Variants in CPNE5 observed in about 807,000 individuals in gnomAD.
The protein encoded by CPNE5 is copine 5, also known as copine-5.
A neutral mutation model predicts 81.1 loss-of-function variants in CPNE5; 42 were observed. The observed-to-expected ratio is 0.52, with a 90% CI of 0.40 to 0.67. The LOEUF (loss-of-function observed/expected upper bound fraction) is 0.67. CPNE5 is among the 30% of genes least tolerant of loss of function. The pLI is 0.00. For synonymous variants in CPNE5, 313 were observed against 321.5 expected (o/e 0.97, Z 0.28); for missense variants, 612 against 815.5 (o/e 0.75, Z 3.04).
At chr6:36,823,376 C>T (rs1225131820) in intron 1 of CPNE5, among the ~76,000 whole-genome samples, 2 of 152,188 alleles carry the variant, frequency 1.3e-5, no homozygotes, top group East Asian at 1.9e-4. Context: ...TGCCCTGTGT[C>T]GCACAGCCAC....
intron 1 of CPNE5, among the ~76,000 whole-genome samples, chr6:36,825,907 C>G (rs796849302): frequency 4.6e-5 from 7 of 152,172 alleles, no homozygotes; most frequent in Admixed American, 1.3e-4. Context: ...TCTTTGAATT[C>G]TATAATGAAA....
intron 8 of CPNE5, among the ~76,000 whole-genome samples, chr6:36,781,548 G>T (rs1271112383): frequency 6.6e-6 from 1 of 152,194 alleles, no homozygotes; most frequent in African/African-American, 2.4e-5. Flanking sequence ...TTCTAAAGCA[G>T]CAGGGCAGGC....
chr6:36,768,288 G>A (rs1267420199), intron 10 of CPNE5, among the ~76,000 whole-genome samples: 1 of 129,036 alleles, frequency 7.7e-6, no homozygotes, highest in Non-Finnish European at 1.6e-5. Context: ...AAGCTGGAGT[G>A]CAGTGGTACG....
At chr6:36,778,328 C>A (rs982088566) in intron 9 of CPNE5, among the ~76,000 whole-genome samples, 2 of 152,160 alleles carry the variant, frequency 1.3e-5, no homozygotes, top group Non-Finnish European at 2.9e-5. Flanking sequence ...ATAGGGGCTT[C>A]AAAGTCTGGA....
chr6:36,753,209 G>C, intron 13 of CPNE5, 114 bp from the exon 14 acceptor site: 5 of 786,360 alleles, frequency 6.4e-6, no homozygotes, highest in Non-Finnish European at 8.9e-6. Context: ...TTGCATGCAT[G>C]ACTGCATGCA....
intron 3 of CPNE5, among the ~76,000 whole-genome samples, chr6:36,801,938 C>T (rs908737151): frequency 3.9e-5 from 6 of 152,044 alleles, no homozygotes; most frequent in Non-Finnish European, 7.4e-5. Flanking sequence ...GGTTATGATG[C>T]GGCTGGGCGC....
intron 9 of CPNE5, among the ~76,000 whole-genome samples, chr6:36,777,500 C>A (rs1767616530): frequency 6.6e-6 from 1 of 152,160 alleles, no homozygotes; most frequent in South Asian, 2.1e-4. Context: ...CCTGACTCTG[C>A]CTCCCTGGAG....
intron 8 of CPNE5, among the ~76,000 whole-genome samples, chr6:36,787,515 G>A (rs1029808604): frequency 1.3e-5 from 2 of 152,032 alleles, no homozygotes; most frequent in Admixed American, 6.6e-5. Flanking sequence ...ATTTTCCTTC[G>A]GGATAGTCAA....
chr6:36,766,548 C>T lies in CPNE5; in HGVS notation c.738-1172G>A, dbSNP rs1192139781. Among the ~76,000 whole-genome samples the T allele has an allele frequency of 1.3e-5, 2 of 152,156 alleles. No individual in the cohort carries two copies. The highest frequency in any genetic ancestry group is 2.9e-5 in the Non-Finnish European group (2 of 68,036). ...TTGTGAAAAACAAAAAACCATGTCT[C>T]TCTGAGGTGAATTATTGTGGAAAGG... On this transcript the variant is annotated intron_variant, in intron 10 of 20. Coordinates refer to ENST00000244751, the MANE Select transcript of CPNE5 (RefSeq NM_020939.2). This position sits in a 1 kb window ranked among gnomAD's most constrained non-coding sequence, Gnocchi z 4.2.
intron 3 of CPNE5, 110 bp downstream of exon 3, chr6:36,822,004 G>T: frequency 2.0e-6 from 2 of 981,800 alleles, no homozygotes; most frequent in Admixed American, 4.9e-5. Flanking sequence ...CTTCAGCGGG[G>T]CTTGGATGCT....
chr6:36,762,379 C>T (rs1766135299), intron 12 of CPNE5, among the ~76,000 whole-genome samples: 1 of 152,074 alleles, frequency 6.6e-6, no homozygotes, highest in Non-Finnish European at 1.5e-5. Context: ...CAGACATTGT[C>T]CCTTGAGGGC....
At chr6:36,757,396 T>G (rs1012491288) in intron 12 of CPNE5, 1 of 983,874 alleles carries the variant, frequency 1.0e-6, no homozygotes, top group African/African-American at 1.7e-5. Context: ...TGGGTGAGTA[T>G]TGCTATCTAC....
chr6:36,789,712 G>A (rs1768917359), intron 8 of CPNE5, among the ~76,000 whole-genome samples: 2 of 152,154 alleles, frequency 1.3e-5, no homozygotes, highest in African/African-American at 4.8e-5. Context: ...ATCCTCAGCA[G>A]ACACGTGTGT....
At chr6:36,762,320 A>G (rs111496642) in intron 12 of CPNE5, among the ~76,000 whole-genome samples, 1,756 of 150,462 alleles carry the variant, frequency 0.012, 31 homozygotes, top group African/African-American at 0.037. Context: ...ACACACACAC[A>G]CGCATGCGCA....
At chr6:36,801,992 G>A (rs1477905486) in intron 3 of CPNE5, among the ~76,000 whole-genome samples, 1 of 152,082 alleles carries the variant, frequency 6.6e-6, no homozygotes, top group Non-Finnish European at 1.5e-5. Context: ...AGGCCGAGGT[G>A]GGCGGATCAC....
At chr6:36,773,024 A>C (rs1283994227) in intron 10 of CPNE5, among the ~76,000 whole-genome samples, 1 of 151,886 alleles carries the variant, frequency 6.6e-6, no homozygotes, top group South Asian at 2.1e-4. Flanking sequence ...TAATGTTTTA[A>C]TTTTTTTAAA....
intron 1 of CPNE5, chr6:36,827,499 T>A (rs1772603856): frequency 2.3e-5 from 23 of 985,220 alleles, no homozygotes; most frequent in Non-Finnish European, 2.8e-5. Flanking sequence ...CCGCCAGAGA[T>A]CCCCCTATTA....
chr6:36,837,819 G>A (rs1773652510), intron 1 of CPNE5, among the ~76,000 whole-genome samples: 1 of 152,108 alleles, frequency 6.6e-6, no homozygotes, highest in Admixed American at 6.6e-5. Context: ...CATGATTGAA[G>A]GCTGGGAGGG....
At chr6:36,823,538 A>C (rs1387588031) in intron 1 of CPNE5, among the ~76,000 whole-genome samples, 3 of 152,228 alleles carry the variant, frequency 2.0e-5, no homozygotes, top group Non-Finnish European at 4.4e-5. Flanking sequence ...ACTTACAGCC[A>C]GTTTATTCGA....
Sources: allele counts gnomAD v4.1 joint callset (sites outside exome capture counted in the v4.1 genomes callset), GRCh38; gene constraint gnomAD v4.1.1; non-coding constraint Gnocchi (gnomAD v3.1); transcripts MANE v1.5; gene names NCBI Gene and HGNC (gene_info 2026-07-23, HGNC 2026-07-21).